SRBD1: variants seen among roughly 807,000 people sequenced by gnomAD.
SRBD1 encodes S1 RNA-binding domain-containing protein 1.
Under a neutral mutation model 115.3 loss-of-function variants are expected in SRBD1, and 88 were observed. The ratio of observed to expected loss-of-function variants is 0.76; its 90% CI spans 0.64 to 0.91. The LOEUF is 0.91. Among genes scored for constraint, SRBD1 ranks in the 40% least tolerant of loss-of-function variants. The probability of loss-of-function intolerance (pLI) is 0.00; values close to 1 mark genes in which losing one functional copy is unlikely to be tolerated. For missense variants in SRBD1, 1,385 were observed against 1,177.4 expected (o/e 1.18, Z -2.58); for synonymous variants, 509 against 407.7 (o/e 1.25, Z -2.99).
intron 16 of SRBD1, among the ~76,000 whole-genome samples, chr2:45,444,477 T>A (rs1021906529): frequency 6.6e-5 from 10 of 152,230 alleles, no homozygotes; most frequent in South Asian, 2.1e-4. Flanking sequence ...TAATTTTTTT[T>A]AAATCTTTTT....
intron 9 of SRBD1, among the ~76,000 whole-genome samples, chr2:45,571,537 A>AAAAAAAAAAAAAAAAAAAAAAAAAC (rs1553356650): frequency 2.1e-5 from 3 of 143,802 alleles, no homozygotes; most frequent in Non-Finnish European, 4.5e-5. Context: ...AAAAAAAAAA[A>AAAAAAAAAAAAAAAAAAAAAAAAAC]AAAAACTGTC....
intron 1 of SRBD1, among the ~76,000 whole-genome samples, chr2:45,607,488 G>A (rs1309461886): frequency 6.6e-6 from 1 of 152,118 alleles, no homozygotes; most frequent in Non-Finnish European, 1.5e-5. Flanking sequence ...GGGAGATGGG[G>A]AAATGGAGGT....
At chr2:45,450,243 C>A (rs1668953031) in intron 16 of SRBD1, among the ~76,000 whole-genome samples, 1 of 152,084 alleles carries the variant, frequency 6.6e-6, no homozygotes, top group Non-Finnish European at 1.5e-5. Flanking sequence ...AGCATTAATT[C>A]TCTGTTAAGT....
At chr2:45,500,105 T>C (rs1040804954) in intron 14 of SRBD1, among the ~76,000 whole-genome samples, 21 of 152,174 alleles carry the variant, frequency 1.4e-4, no homozygotes, top group South Asian at 4.1e-4. Context: ...ATTTTAACAA[T>C]ATTAATCCTC....
At position 45,440,876 on chromosome 2, in the gene SRBD1, C is replaced by A. The variant is rs537913777; in HGVS notation, c.2050-20982G>T. ...TCCTCCTGGTGTTCAGAAATTTTGA[C>A]AGCCATGTTTAAATTATTTGTCTGT... On this transcript the variant is annotated intron_variant, in intron 16 of 20. Transcript: ENST00000263736. Among the ~76,000 whole-genome samples, 4 of 152,222 alleles carry A rather than the reference C, an allele frequency of 2.6e-5. No homozygotes were observed. The South Asian group carries it at 8.3e-4, about 32-fold the overall frequency.
chr2:45,573,722 A>G (rs1673091397), intron 8 of SRBD1, among the ~76,000 whole-genome samples: 1 of 152,212 alleles, frequency 6.6e-6, no homozygotes, highest in African/African-American at 2.4e-5. Flanking sequence ...AAGAGAAACA[A>G]AAGGATGTGT....
intron 1 of SRBD1, among the ~76,000 whole-genome samples, chr2:45,608,678 T>C (rs973896396): frequency 6.6e-6 from 1 of 152,172 alleles, no homozygotes; most frequent in Non-Finnish European, 1.5e-5. Flanking sequence ...TGAAACTATT[T>C]AGATGTCTCA....
intron 3 of SRBD1, among the ~76,000 whole-genome samples, chr2:45,601,075 T>C (rs1280493915): frequency 6.6e-6 from 1 of 152,154 alleles, no homozygotes; most frequent in Non-Finnish European, 1.5e-5. Flanking sequence ...CCTAATCAAA[T>C]GAATTGACAT....
intron 16 of SRBD1, among the ~76,000 whole-genome samples, chr2:45,434,482 T>C (rs1019574087): frequency 6.6e-6 from 1 of 152,216 alleles, no homozygotes; most frequent in Non-Finnish European, 1.5e-5. Context: ...AACAATTTTT[T>C]TTTGCAGAGA....
intron 10 of SRBD1, among the ~76,000 whole-genome samples, chr2:45,554,390 A>G (rs1672406327): frequency 6.6e-6 from 1 of 152,236 alleles, no homozygotes; most frequent in Admixed American, 6.5e-5. Context: ...TTGTTATGTT[A>G]GTCCAAGTTA....
At chr2:45,539,784 C>G (rs748031649) in intron 14 of SRBD1, among the ~76,000 whole-genome samples, 26 of 151,990 alleles carry the variant, frequency 1.7e-4, no homozygotes, top group Admixed American at 5.9e-4. Context: ...AATGAATTCC[C>G]ACAAAGTTCC....
At chr2:45,423,774 T>C (rs569503901) in intron 16 of SRBD1, among the ~76,000 whole-genome samples, 2 of 152,198 alleles carry the variant, frequency 1.3e-5, no homozygotes, top group South Asian at 2.1e-4. Context: ...TTCCTATGAA[T>C]ACCAGTTCAA....
chr2:45,393,145 T>C lies in SRBD1; in HGVS notation c.2514-16A>G. 3 of 1,586,912 alleles carry C rather than the reference T, an allele frequency of 1.9e-6. No homozygotes were observed. The highest frequency in any genetic ancestry group is 2.6e-6 in the Non-Finnish European group (3 of 1,170,206). ...TGACAAAAACCTGCAGTGGAAAAAATAAAAAGCGCAACACTTAACAATATT... is the reference window on the plus strand; with the variant it reads ...TGACAAAAACCTGCAGTGGAAAAAACAAAAAGCGCAACACTTAACAATATT... On this transcript the variant is annotated splice_polypyrimidine_tract_variant and intron_variant, in intron 19 of 20. Transcript: ENST00000263736.
chr2:45,579,721 A>C (rs912709375), intron 7 of SRBD1, among the ~76,000 whole-genome samples, 154 bp downstream of exon 7: 11 of 152,232 alleles, frequency 7.2e-5, no homozygotes, highest in African/African-American at 2.2e-4. Context: ...ATGGCTACTC[A>C]ATAGGTATGT....
intron 19 of SRBD1, among the ~76,000 whole-genome samples, chr2:45,395,246 C>T (rs576686539): frequency 2.0e-5 from 3 of 152,330 alleles, no homozygotes; most frequent in African/African-American, 7.2e-5. Context: ...AGAATGTATA[C>T]TAATGCGCTG....
intron 20 of SRBD1, among the ~76,000 whole-genome samples, chr2:45,390,158 C>G (rs1258389579): frequency 6.6e-6 from 1 of 152,162 alleles, no homozygotes; most frequent in Non-Finnish European, 1.5e-5. Context: ...ATATATTTAT[C>G]CAATCAACAT....
intron 9 of SRBD1, 99 bp from the exon 10 acceptor site, chr2:45,562,855 T>G (rs955360825): frequency 4.7e-5 from 33 of 696,972 alleles, no homozygotes; most frequent in Middle Eastern, 5.1e-4. Flanking sequence ...TTTACTCGTT[T>G]ATTAAACAAG....
intron 5 of SRBD1, among the ~76,000 whole-genome samples, chr2:45,584,657 A>C (rs1673462135): frequency 6.6e-6 from 1 of 152,222 alleles, no homozygotes; most frequent in Non-Finnish European, 1.5e-5. Context: ...CCCATGGGAG[A>C]CATGCAATAA....
intron 16 of SRBD1, among the ~76,000 whole-genome samples, chr2:45,455,886 T>C (rs1669136674): frequency 6.6e-6 from 1 of 151,880 alleles, no homozygotes; most frequent in Admixed American, 6.6e-5. Context: ...TGAAAGCTAT[T>C]GCCACAAAGA....
Sources: gnomAD v4.1 joint callset for allele counts (sites outside exome capture counted in the v4.1 genomes callset) on GRCh38, gnomAD v4.1.1 for gene constraint, MANE v1.5 for transcripts, NCBI Gene and HGNC (gene_info 2026-07-23, HGNC 2026-07-21) for gene names.